Variants in DVL1 observed in about 807,000 individuals in gnomAD.
DVL1 encodes dishevelled segment polarity protein 1.
In DVL1, 49 loss-of-function variants were observed where a neutral mutation model predicts 65.0. The observed-to-expected ratio is 0.75, with a 90% CI of 0.60 to 0.96. DVL1 has a LOEUF of 0.96. Among genes scored for constraint, DVL1 ranks in the 40% least tolerant of loss-of-function variants. DVL1 has a pLI of 0.00. For synonymous variants in DVL1, 608 were observed against 433.9 expected (o/e 1.40, Z -4.99); for missense variants, 1,197 against 1,045.4 (o/e 1.15, Z -2.00).
At chr1:1,340,771 T>C (rs1452212934) in intron 5 of DVL1, among the ~76,000 whole-genome samples, 2 of 134,764 alleles carry the variant, frequency 1.5e-5, no homozygotes, top group Non-Finnish European at 3.2e-5. Flanking sequence ...TGCACACACA[T>C]GCACACCTGC....
In DVL1 at chr1:1,339,611, G is replaced by A. The variant is rs758202266; in HGVS notation, c.1025C>T (p.Thr342Met). ...SLTVAKCWDP[T>M]PRSYFTVPRA... The stretch of plus-strand genomic sequence containing the variant: ...TGGGACGGTGAAGTAGCTTCGGGGC[G>A]TTGGGTCCCAGCACTTGGCCACAGT... The change falls in exon 10 of 15, where the codon ACG becomes ATG. Residue 342 changes from threonine (T) to methionine (M), a missense_variant. By Grantham distance (81) the Thr-to-Met change is moderately conservative. Coordinates refer to ENST00000378888, the MANE Select transcript of DVL1 (RefSeq NM_001330311.2). 22 of 1,607,452 alleles carry A rather than the reference G, an allele frequency of 1.4e-5. No homozygotes were observed. The Admixed American group carries it at 2.0e-4, about 15-fold the overall frequency.
chr1:1,340,993 CAT>C (rs1643793311), intron 5 of DVL1, among the ~76,000 whole-genome samples: 1 of 145,848 alleles, frequency 6.9e-6, no homozygotes, highest in African/African-American at 2.6e-5. Flanking sequence ...TGCACACCTG[CAT>C]ACTCACCTGC....
intron 13 of DVL1, 42 bp from the exon 14 acceptor site, chr1:1,338,225 G>A: frequency 6.3e-7 from 1 of 1,591,894 alleles, no homozygotes; most frequent in Non-Finnish European, 8.6e-7. Flanking sequence ...GGGGCCTCCG[G>A]CGTTCCCCTC....
intron 1 of DVL1, among the ~76,000 whole-genome samples, chr1:1,348,424 G>T (rs765400710): frequency 1.2e-4 from 18 of 152,000 alleles, no homozygotes; most frequent in Non-Finnish European, 2.6e-4. Flanking sequence ...CCCTGCAGAA[G>T]GGGGCCAGGA....
chr1:1,342,754 C>A lies in DVL1; in HGVS notation c.175G>T (p.Val59Leu). The A allele has an allele frequency of 6.2e-7, 1 of 1,612,944 alleles. No individual in the cohort carries two copies. The highest frequency in any genetic ancestry group is 8.5e-7 in the Non-Finnish European group (1 of 1,179,748). The part of the protein sequence containing the change: ...FKSMDQDFGV[V>L]KEEIFDDNAK... Reference sequence around the variant, plus strand: ...TTGTCATCAAAGATCTCCTCCTTCACCACCCTGTGGGCATATGCTGCCGTG... The same window carrying A: ...TTGTCATCAAAGATCTCCTCCTTCAACACCCTGTGGGCATATGCTGCCGTG... Residue 59 changes from valine (V) to leucine (L), a missense_variant, in exon 2 of 15, where the codon GTG (valine) becomes TTG (leucine). Coordinates refer to ENST00000378888, the MANE Select transcript of DVL1 (RefSeq NM_001330311.2).
At chr1:1,340,989 C>G (rs986437825) in intron 5 of DVL1, among the ~76,000 whole-genome samples, 1 of 145,354 alleles carries the variant, frequency 6.9e-6, no homozygotes, top group African/African-American at 2.6e-5. Flanking sequence ...CACATGCACA[C>G]CTGCATACTC....
At chr1:1,339,203 C>G in intron 11 of DVL1, 84 bp downstream of exon 11, 1 of 1,519,736 alleles carries the variant, frequency 6.6e-7, no homozygotes, top group Non-Finnish European at 8.9e-7. Context: ...CCCATGACGG[C>G]CACAGGCGGC....
intron 1 of DVL1, among the ~76,000 whole-genome samples, chr1:1,346,251 G>A (rs1221846068): frequency 1.3e-5 from 2 of 152,146 alleles, no homozygotes. Flanking sequence ...GCGGCCCTGG[G>A]GACCAGGGCT....
chr1:1,342,283 G>A (rs1643860966), intron 3 of DVL1, 80 bp downstream of exon 3: 6 of 1,500,920 alleles, frequency 4.0e-6, no homozygotes, highest in South Asian at 1.3e-5. Flanking sequence ...ACTGGCCCAG[G>A]CAGGCCTCCC....
intron 11 of DVL1, among the ~76,000 whole-genome samples, chr1:1,339,056 C>G (rs542736976): frequency 6.6e-6 from 1 of 152,204 alleles, no homozygotes; most frequent in African/African-American, 2.4e-5. Context: ...GGGTGCTCCC[C>G]GCATAGGGGC....
At chr1:1,337,750 C>A (rs1643626534) in intron 14 of DVL1, 1 of 698,378 alleles carries the variant, frequency 1.4e-6, no homozygotes, top group Non-Finnish European at 2.6e-6. Flanking sequence ...GCTCCTGGAT[C>A]CCCCTGGCAC....
intron 3 of DVL1, 96 bp downstream of exon 3, chr1:1,342,267 C>G: frequency 2.7e-6 from 4 of 1,496,326 alleles, no homozygotes; most frequent in Non-Finnish European, 3.6e-6. Flanking sequence ...GGTGCCACGC[C>G]CGCCTACTGG....
rs1643541604 is a variant in DVL1, at chr1:1,335,539, T to C, written c.*603A>G. The C allele has an allele frequency of 6.5e-6, 1 of 154,842 alleles. No homozygotes were observed. The highest frequency in any genetic ancestry group is 2.4e-5 in the African/African-American group (1 of 41,452). The allele number at this position is 154,842 out of a possible 1,614,324, so 9.6% of individuals were successfully genotyped here. A position where few individuals can be genotyped will look rare whatever the true frequency, so the allele number is the denominator to read the frequency against. ...CGGGGCCCCTTGACCCTGCGGGCCA[T>C]GGTCCCTCCCTGCCCTGGCTGGGAC... On this transcript the variant is annotated 3_prime_UTR_variant, in exon 15 of 15. Coordinates refer to ENST00000378888, the MANE Select transcript of DVL1 (RefSeq NM_001330311.2).
chr1:1,340,867 G>C (rs549271397), intron 5 of DVL1, among the ~76,000 whole-genome samples: 1 of 120,924 alleles, frequency 8.3e-6, no homozygotes, highest in Non-Finnish European at 1.6e-5. Context: ...GCACCCCTGC[G>C]CACAGGCACA....
Position 1,336,529 on chromosome 1 carries a change from C to G in DVL1, c.1715-14G>C. On this transcript the variant is annotated splice_polypyrimidine_tract_variant and intron_variant, in intron 14 of 14. Transcript: ENST00000378888. ...TGCTTTTGCTCCCTGGGAGTGAGAA[C>G]AGGATGGGGAAGGAGCCTGTCAGCA... The G allele has an allele frequency of 6.7e-7, 1 of 1,499,790 alleles. No individual in the cohort carries two copies. Among genetic ancestry groups the G allele is most frequent in the South Asian group, 1.3e-5 (1 of 75,580 alleles). 92.9% of individuals were successfully genotyped at this position (1,499,790 alleles called of 1,614,324 possible).
intron 11 of DVL1, 128 bp downstream of exon 11, chr1:1,339,155 CAGGG>C: frequency 7.9e-7 from 1 of 1,258,714 alleles, no homozygotes; most frequent in East Asian, 2.5e-5. Context: ...CACGTCTGTG[CAGGG>C]AGTTGGGGAC....
chr1:1,346,905 G>A (rs1451314878), intron 1 of DVL1, among the ~76,000 whole-genome samples: 1 of 152,208 alleles, frequency 6.6e-6, no homozygotes, highest in African/African-American at 2.4e-5. Context: ...GTCTAGTTCA[G>A]CAGTCGCTTA....
chr1:1,337,844 G>GC, intron 14 of DVL1, 133 bp downstream of exon 14: 2 of 767,652 alleles, frequency 2.6e-6, no homozygotes, highest in Non-Finnish European at 4.5e-6. Flanking sequence ...GCAGGGCGGA[G>GC]CAGCAGCGGG....
At chr1:1,337,044 T>A in intron 14 of DVL1, 8 of 988,338 alleles carry the variant, frequency 8.1e-6, no homozygotes, top group Non-Finnish European at 9.6e-6. Flanking sequence ...CCGCTAGTCC[T>A]TCAGTCTAAG....
Sources: gnomAD v4.1 joint callset for allele counts (sites outside exome capture counted in the v4.1 genomes callset) on GRCh38, gnomAD v4.1.1 for gene constraint, MANE v1.5 for transcripts, NCBI Gene and HGNC (gene_info 2026-07-23, HGNC 2026-07-21) for gene names.